SYNE1: variants seen among roughly 807,000 people sequenced by gnomAD.
SYNE1 encodes the protein nesprin-1.
A neutral mutation model predicts 1,111.0 loss-of-function variants in SYNE1; 616 were observed. That is an observed-to-expected ratio of 0.55 (90% confidence interval 0.52 to 0.59). The LOEUF is 0.59. Among genes scored for constraint, SYNE1 ranks in the 20% least tolerant of loss-of-function variants. The pLI, the probability that SYNE1 is intolerant of heterozygous loss-of-function variation, is 0.00. For missense variants in SYNE1, 10,006 were observed against 10,417.0 expected (o/e 0.96, Z 1.72); for synonymous variants, 3,855 against 3,825.8 (o/e 1.01, Z -0.28).
At chr6:152,153,386 C>A (rs1326146445) in intron 133 of SYNE1, among the ~76,000 whole-genome samples, 1 of 152,178 alleles carries the variant, frequency 6.6e-6, no homozygotes, top group African/African-American at 2.4e-5. Context: ...ATTGGACCAG[C>A]TAAAGACTGC....
chr6:152,359,839 C>T (rs566141491), intron 64 of SYNE1, among the ~76,000 whole-genome samples: 4 of 151,776 alleles, frequency 2.6e-5, no homozygotes, highest in Non-Finnish European at 5.9e-5. Flanking sequence ...ACAGCAAATG[C>T]CATGACCTCC....
At chr6:152,393,069 C>T (rs955083683) in intron 51 of SYNE1, among the ~76,000 whole-genome samples, 1 of 152,124 alleles carries the variant, frequency 6.6e-6, no homozygotes, top group African/African-American at 2.4e-5. Flanking sequence ...AGAGAAAGCA[C>T]CCAGAAACAA....
At chr6:152,145,230 G>A in intron 137 of SYNE1, 1 of 513,390 alleles carries the variant, frequency 1.9e-6, no homozygotes. Flanking sequence ...GCAGTTAATG[G>A]ACATGAGAGG....
At chr6:152,379,443 C>T (rs1270307530) in intron 56 of SYNE1, among the ~76,000 whole-genome samples, 2 of 151,980 alleles carry the variant, frequency 1.3e-5, no homozygotes, top group Non-Finnish European at 2.9e-5. Context: ...TGAGTATTGT[C>T]ATCTAATTGC....
chr6:152,315,197 C>CTATTTTTTTTTTTTTTTTTTTTTTTT, intron 87 of SYNE1: 1 of 110,944 alleles, frequency 9.0e-6, no homozygotes, highest in African/African-American at 3.5e-5. Flanking sequence ...AGAGTAGTAA[C>CTATTTTTTTTTTTTTTTTTTTTTTTT]TTTTTTTTTT....
rs1286882804 is a variant in SYNE1 at position 152,510,234 on chromosome 6, A to G, written c.540T>C (p.Ala180=). Residue 180 remains alanine (A), a synonymous_variant, in exon 8 of 146, where the codon GCT becomes GCC. Coordinates refer to ENST00000367255, the MANE Select transcript of SYNE1 (RefSeq NM_182961.4). ...GAACCCACTTTAATAAAGCCTTCTT[A>G]GCATTTCCTTGGATCTTGGTGGTCA... The part of the protein sequence containing the change: ...RKVTTKIQGN[A]KKALLKWVQY... 1.2e-6 allele frequency: 2 copies of G among 1,613,934 alleles called. No homozygotes were observed. The highest frequency in any genetic ancestry group is 1.7e-5 in the Admixed American group (1 of 59,992).
At chr6:152,319,295 T>C (rs1330739989) in intron 84 of SYNE1, among the ~76,000 whole-genome samples, 1 of 152,220 alleles carries the variant, frequency 6.6e-6, no homozygotes, top group African/African-American at 2.4e-5. Flanking sequence ...TTATAGATGG[T>C]TGTGTAGACA....
chr6:152,340,731 T>G (rs1422689799), intron 74 of SYNE1, among the ~76,000 whole-genome samples: 1 of 152,214 alleles, frequency 6.6e-6, no homozygotes, highest in Non-Finnish European at 1.5e-5. Flanking sequence ...GGAATTTAAG[T>G]GTGATGGGAA....
rs2099366626 is a variant in SYNE1, at chr6:152,556,770, T to C, written c.68-16749A>G. ...ATGCCTATCCATGAACCCTTCCAGC[T>C]GACCTTTTCAGAATCCTTGGTCAGG... On this transcript the variant is annotated intron_variant, in intron 3 of 145. Coordinates refer to ENST00000367255, the MANE Select transcript of SYNE1 (RefSeq NM_182961.4). Among the ~76,000 whole-genome samples, 5 of 152,210 alleles carry C rather than the reference T, an allele frequency of 3.3e-5. No homozygotes were observed. The South Asian group carries it at 1.0e-3, about 32-fold the overall frequency.
rs1256408875 is a variant in SYNE1 at position 152,491,856 on chromosome 6, T to C, written c.940-3353A>G. On this transcript the variant is annotated intron_variant, in intron 11 of 145. Transcript: ENST00000367255. ...ACCTCTCCCCTCCTCACCAGGCTGC[T>C]CCTCACCAGGCTGAGCCAGGTCCTA... is the stretch of plus-strand genomic sequence containing the variant. 2.6e-5 allele frequency among the ~76,000 whole-genome samples: 4 copies of C among 151,938 alleles called. No individual in the cohort carries two copies. The East Asian group carries it at 7.8e-4, about 29-fold the overall frequency.
intron 66 of SYNE1, among the ~76,000 whole-genome samples, chr6:152,355,480 A>G (rs1242504288): frequency 1.3e-5 from 2 of 152,202 alleles, no homozygotes; most frequent in Non-Finnish European, 2.9e-5. Flanking sequence ...TTGAAACTGG[A>G]GAGTGCAGGG....
At chr6:152,494,681 G>A (rs2098989648) in intron 11 of SYNE1, among the ~76,000 whole-genome samples, 1 of 152,136 alleles carries the variant, frequency 6.6e-6, no homozygotes, top group South Asian at 2.1e-4. Context: ...CCACCATGCT[G>A]TTACATGGGC....
At chr6:152,299,251 A>G (rs1395168880) in intron 93 of SYNE1, among the ~76,000 whole-genome samples, 2 of 152,208 alleles carry the variant, frequency 1.3e-5, no homozygotes, top group South Asian at 4.1e-4. Flanking sequence ...TATTAAATAG[A>G]ACAATTTTTT....
intron 116 of SYNE1, among the ~76,000 whole-genome samples, chr6:152,224,917 G>GTA (rs1343188588): frequency 2.8e-5 from 4 of 142,166 alleles, no homozygotes; most frequent in East Asian, 2.0e-4. Context: ...ATATATATAT[G>GTA]TATATATATA....
At position 152,262,037 on chromosome 6, in the gene SYNE1, G is replaced by A. The variant is rs771944634; in HGVS notation, c.18967C>T (p.Gln6323Ter). The A allele has an allele frequency of 6.2e-7, 1 of 1,612,138 alleles. No homozygotes were observed. The highest frequency in any genetic ancestry group is 8.5e-7 in the Non-Finnish European group (1 of 1,179,230). ...LQNVLEQEQE[Q>*]VLYSRPNRLL... ...TAATGTAAAATATTTGATACCACTT[G>A]CTCTTGTTCCTGTTCCAGAACATTC... The change falls in exon 101 of 146, where the codon CAA (glutamine) becomes TAA (stop). Residue 6323 changes from glutamine to a stop codon, truncating the protein, a stop_gained. Transcript: ENST00000367255. LOFTEE classifies it high-confidence loss of function.
At chr6:152,599,085 C>T (rs1348386638) in intron 3 of SYNE1, among the ~76,000 whole-genome samples, 1 of 152,202 alleles carries the variant, frequency 6.6e-6, no homozygotes, top group Non-Finnish European at 1.5e-5. Flanking sequence ...AGGAAATTTA[C>T]TGTTTCTTTA....
chr6:152,273,745 G>A (rs2093386098), intron 98 of SYNE1, among the ~76,000 whole-genome samples: 1 of 152,232 alleles, frequency 6.6e-6, no homozygotes, highest in Admixed American at 6.5e-5. Flanking sequence ...ATTCTTGTGT[G>A]ATAATAGCTA....
At position 152,440,654 on chromosome 6, in the gene SYNE1, G is replaced by A. The variant is rs572513754; in HGVS notation, c.4149+476C>T. Among the ~76,000 whole-genome samples, 7 of 138,914 alleles carry A rather than the reference G, an allele frequency of 5.0e-5. No homozygotes were observed. The East Asian group carries it at 1.6e-3, about 31-fold the overall frequency. The allele number at this position is 138,914 out of a possible 152,430, so 91.1% of individuals were successfully genotyped here. A position where few individuals can be genotyped will look rare whatever the true frequency, so the allele number is the denominator to read the frequency against. ...GCCATCTCGGCTCACTGCAACCTCT[G>A]CCTCCCGGGTTCAAGCGATTCTCCT... is the stretch of plus-strand genomic sequence containing the variant. On this transcript the variant is annotated intron_variant, in intron 32 of 145. Transcript: ENST00000367255.
At chr6:152,377,033 A>C in intron 56 of SYNE1, 121 bp from the exon 57 acceptor site, 1 of 1,270,068 alleles carries the variant, frequency 7.9e-7, no homozygotes, top group Non-Finnish European at 1.1e-6. Context: ...AACATGGTAG[A>C]TTCAATGAAG....
Sources: gnomAD v4.1 joint callset for allele counts (sites outside exome capture counted in the v4.1 genomes callset) on GRCh38, gnomAD v4.1.1 for gene constraint, MANE v1.5 for transcripts, NCBI Gene and HGNC (gene_info 2026-07-23, HGNC 2026-07-21) for gene names.